ZNF691: variants seen among roughly 807,000 people sequenced by gnomAD.
ZNF691 encodes zinc finger protein 691.
In ZNF691, 11 loss-of-function variants were observed where a neutral mutation model predicts 24.1. The observed-to-expected ratio is 0.46, with a 90% CI of 0.29 to 0.75. The LOEUF is 0.75. ZNF691 is among the 30% of genes least tolerant of loss of function. ZNF691 has a pLI of 0.11. For missense variants in ZNF691, 356 were observed against 409.0 expected (o/e 0.87, Z 1.12); for synonymous variants, 149 against 153.9 (o/e 0.97, Z 0.23).
At chr1:42,850,671 G>A (rs1268423399) in intron 3 of ZNF691, 1 of 1,550,434 alleles carries the variant, frequency 6.4e-7, no homozygotes, top group Non-Finnish European at 8.7e-7. Flanking sequence ...GTTTCAAGAA[G>A]AGTGACATTA....
At chr1:42,848,260 G>A (rs1655292229) in intron 1 of ZNF691, among the ~76,000 whole-genome samples, 2 of 152,156 alleles carry the variant, frequency 1.3e-5, no homozygotes, top group African/African-American at 2.4e-5. Context: ...GGTCAGATGG[G>A]AGCAGGGCAG....
intron 1 of ZNF691, among the ~76,000 whole-genome samples, chr1:42,847,932 A>G (rs911825443): frequency 5.9e-5 from 9 of 152,250 alleles, no homozygotes; most frequent in African/African-American, 1.9e-4. Flanking sequence ...GAGCTTTAAA[A>G]AAATGTTAAT....
chr1:42,852,245 G>A lies in ZNF691; in HGVS notation c.*432G>A, dbSNP rs879240391. ...TTTCCTGCTAGTTCCCACCTGTTGTGCCCCAACTTTGCTTCTAGATCTCTG... is the reference window on the plus strand; with the variant it reads ...TTTCCTGCTAGTTCCCACCTGTTGTACCCCAACTTTGCTTCTAGATCTCTG... On this transcript the variant is annotated 3_prime_UTR_variant, in exon 4 of 4. Transcript: ENST00000651192. 1.3e-5 allele frequency: 4 copies of A among 306,864 alleles called. No homozygotes were observed. In the East Asian group the frequency reaches 2.7e-4, roughly 21 times the overall value. 19.0% of individuals were successfully genotyped at this position (306,864 alleles called of 1,614,324 possible).
In ZNF691 at chr1:42,852,466, C is replaced by G. The variant is rs1258143445; in HGVS notation, c.*653C>G. The G allele has an allele frequency of 1.2e-5, 2 of 173,070 alleles. No homozygotes were observed. Among genetic ancestry groups the G allele is most frequent in the South Asian group, 3.7e-4 (2 of 5,416 alleles). The allele number at this position is 173,070 out of a possible 1,614,324, so 10.7% of individuals were successfully genotyped here. A position where few individuals can be genotyped will look rare whatever the true frequency, so the allele number is the denominator to read the frequency against. ...CCCCAGAGTGATTAGCAGTAAAACCCTTCAATGAAAAGGACCCGTGTACTT... is the reference window on the plus strand; with the variant it reads ...CCCCAGAGTGATTAGCAGTAAAACCGTTCAATGAAAAGGACCCGTGTACTT... On this transcript the variant is annotated 3_prime_UTR_variant, in exon 4 of 4. Transcript: ENST00000651192.
rs1316744153 is a variant in ZNF691, at chr1:42,851,031, GTGGA to G, written c.169_172del (p.Asp57ThrfsTer42). 3 of 1,574,050 alleles carry G rather than the reference GTGGA, an allele frequency of 1.9e-6. No homozygotes were observed. Among genetic ancestry groups the G allele is most frequent in the Non-Finnish European group, 2.6e-6 (3 of 1,161,814 alleles). On this transcript the variant is annotated frameshift_variant, in exon 4 of 4. Transcript: ENST00000651192. LOFTEE classifies it high-confidence loss of function. This position sits in a 1 kb window ranked among gnomAD's most constrained non-coding sequence, Gnocchi z 4.7. The stretch of plus-strand genomic sequence containing the variant: ...AGGGGAAGGGGGTAAGCCTTGGAGA[GTGGA>G]TGACTCAGAGGGTTCTTGGATCCCA...
chr1:42,850,297 A>T, intron 3 of ZNF691: 1 of 503,556 alleles, frequency 2.0e-6, no homozygotes, highest in Non-Finnish European at 2.6e-6. Context: ...AGTGGAGGGC[A>T]CTGACTGATC....
chr1:42,850,443 C>T, intron 3 of ZNF691: 1 of 985,316 alleles, frequency 1.0e-6, no homozygotes. Context: ...AAAGCTGGGC[C>T]TTGTCACCTA....
chr1:42,848,008 C>T (rs546939065), intron 1 of ZNF691, among the ~76,000 whole-genome samples: 1 of 152,328 alleles, frequency 6.6e-6, no homozygotes, highest in East Asian at 1.9e-4. Flanking sequence ...ACAGTTCCTG[C>T]CCCTGTCCCC....
Position 42,851,660 on chromosome 1 carries a change from C to T in ZNF691, c.795C>T (p.Ser265=), listed in dbSNP as rs532331174. ...GCACTGAGTGTGGGCGGACCTTCAG[C>T]GATATCTCCAACTTTGGAGCACACC... ...YECTECGRTF[S]DISNFGAHQR... is the part of the protein sequence containing the mutation. The change falls in exon 4 of 4, where the codon AGC becomes AGT. Residue 265 remains serine (S), a synonymous_variant. Coordinates refer to ENST00000651192, the MANE Select transcript of ZNF691 (RefSeq NM_001242739.2). The surrounding 1 kb of genome is among the most constrained non-coding windows in gnomAD (Gnocchi z 4.7). 64 of 1,613,710 alleles carry T rather than the reference C, an allele frequency of 4.0e-5. No homozygotes were observed. Among genetic ancestry groups the T allele is most frequent in the East Asian group, 1.1e-4 (5 of 44,792 alleles).
At chr1:42,850,525 G>A in intron 3 of ZNF691, 1 of 1,451,904 alleles carries the variant, frequency 6.9e-7, no homozygotes, top group Non-Finnish European at 9.0e-7. Flanking sequence ...TACTTGTAAG[G>A]AAGGTTTTTC....
At chr1:42,847,477 A>G (rs1421189317) in intron 1 of ZNF691, among the ~76,000 whole-genome samples, 4 of 152,078 alleles carry the variant, frequency 2.6e-5, no homozygotes, top group Non-Finnish European at 5.9e-5. Flanking sequence ...TTTTCCCCCC[A>G]GATCTCTGCA....
At position 42,851,609 on chromosome 1, in the gene ZNF691, C is replaced by G. The variant is rs1173970712; in HGVS notation, c.744C>G (p.Thr248=). The change falls in exon 4 of 4, where the codon ACC becomes ACG. Residue 248 remains threonine, a synonymous_variant. Transcript: ENST00000651192. This position sits in a 1 kb window ranked among gnomAD's most constrained non-coding sequence, Gnocchi z 4.7. ...CCAGCTTTGGCGTGCATCACCGCACCCACACAGGTGAGAGACCTTATGAGT... is the reference window on the plus strand; with the variant it reads ...CCAGCTTTGGCGTGCATCACCGCACGCACACAGGTGAGAGACCTTATGAGT... ...NSSSFGVHHR[T]HTGERPYECT... 6.2e-7 allele frequency: 1 copy of G among 1,614,086 alleles called. No homozygotes were observed. The highest frequency in any genetic ancestry group is 1.1e-5 in the South Asian group (1 of 91,070).
Position 42,851,431 on chromosome 1 carries a change from A to C in ZNF691, c.566A>C (p.His189Pro). 6.2e-7 allele frequency: 1 copy of C among 1,614,134 alleles called. No individual in the cohort carries two copies. Among genetic ancestry groups the C allele is most frequent in the Non-Finnish European group, 8.5e-7 (1 of 1,180,026 alleles). Residue 189 changes from histidine to proline, a missense_variant, in exon 4 of 4, where the codon CAC (histidine) becomes CCC (proline). Transcript: ENST00000651192. The surrounding 1 kb of genome is among the most constrained non-coding windows in gnomAD (Gnocchi z 4.7). ...CGGCGGCGCTCAGACCTCACCACGC[A>C]CCAGCAAGATCACCTAGGCAAGCGG... The part of the protein sequence containing the change: ...SFRRRSDLTT[H>P]QQDHLGKRPY...
rs754576885 is a variant in ZNF691 at position 42,851,752 on chromosome 1, C to G, written c.887C>G (p.Ser296Trp). 6.2e-7 allele frequency: 1 copy of G among 1,614,038 alleles called. No homozygotes were observed. Among genetic ancestry groups the G allele is most frequent in the Non-Finnish European group, 8.5e-7 (1 of 1,180,014 alleles). ...TVCGKHFSRS[S>W]NLIRHQKTHL... ...TGTGGGAAACACTTCTCCCGGAGCT[C>G]GAATCTCATCCGCCACCAGAAAACT... The change falls in exon 4 of 4, where the codon TCG (serine) becomes TGG (tryptophan). Residue 296 changes from serine to tryptophan, a missense_variant. Ser to Trp is a radical substitution (Grantham distance 177). Coordinates refer to ENST00000651192, the MANE Select transcript of ZNF691 (RefSeq NM_001242739.2). The surrounding 1 kb of genome is among the most constrained non-coding windows in gnomAD (Gnocchi z 4.7).
chr1:42,848,288 G>A (rs532041732), intron 1 of ZNF691, among the ~76,000 whole-genome samples: 3 of 151,932 alleles, frequency 2.0e-5, no homozygotes, highest in Non-Finnish European at 4.4e-5. Context: ...GGGATGGGAT[G>A]GTGGCGTGAA....
In ZNF691 at chr1:42,852,147, T is replaced by C. The variant is rs933776577; in HGVS notation, c.*334T>C. 4 of 426,896 alleles carry C rather than the reference T, an allele frequency of 9.4e-6. No homozygotes were observed. Among genetic ancestry groups the C allele is most frequent in the African/African-American group, 8.2e-5 (4 of 48,854 alleles). 26.4% of individuals were successfully genotyped at this position (426,896 alleles called of 1,614,324 possible). A position where few individuals can be genotyped will look rare whatever the true frequency, so the allele number is the denominator to read the frequency against. ...GTCCCCCTGGCCTTTGAGGAAGTAC[T>C]TATGAGATGGGTGTCACTGTCTGAA... On this transcript the variant is annotated 3_prime_UTR_variant, in exon 4 of 4. Transcript: ENST00000651192.
chr1:42,850,832 T>A (rs1655365356), intron 3 of ZNF691, 118 bp from the exon 4 acceptor site: 1 of 1,562,794 alleles, frequency 6.4e-7, no homozygotes, highest in African/African-American at 1.4e-5. Context: ...TGATTGAGGT[T>A]ATTTCTAATG....
intron 1 of ZNF691, 125 bp from the exon 2 acceptor site, chr1:42,849,166 A>ACCTC (rs1655312914): frequency 3.4e-6 from 1 of 295,210 alleles, no homozygotes; most frequent in Admixed American, 5.0e-5. Context: ...CTGGTTCTTA[A>ACCTC]AGAGTTGAGG....
Position 42,851,457 on chromosome 1 carries a change from C to T in ZNF691, c.592C>T (p.Pro198Ser). 2 of 1,614,216 alleles carry T rather than the reference C, an allele frequency of 1.2e-6. No homozygotes were observed. Among genetic ancestry groups the T allele is most frequent in the Non-Finnish European group, 1.7e-6 (2 of 1,180,046 alleles). The change falls in exon 4 of 4, where the codon CCA becomes TCA. Residue 198 changes from proline (P) to serine (S), a missense_variant. Physicochemically the swap from Pro to Ser is moderately conservative, Grantham distance 74. Transcript: ENST00000651192. This position sits in a 1 kb window ranked among gnomAD's most constrained non-coding sequence, Gnocchi z 4.7. ...CCAGCAAGATCACCTAGGCAAGCGG[C>T]CATACCGCTGTGACATCTGTGGCAA... ...THQQDHLGKR[P>S]YRCDICGKSF...
Sources: gnomAD v4.1 joint callset for allele counts (sites outside exome capture counted in the v4.1 genomes callset) on GRCh38, gnomAD v4.1.1 for gene constraint, Gnocchi (gnomAD v3.1) non-coding constraint, MANE v1.5 for transcripts, NCBI Gene and HGNC (gene_info 2026-07-23, HGNC 2026-07-21) for gene names.